The following SEC24B variants were observed in gnomAD, a reference collection of about 807,000 sequenced individuals.
SEC24B encodes protein transport protein Sec24B.
In SEC24B, 45 loss-of-function variants were observed where a neutral mutation model predicts 142.8. That is an observed-to-expected ratio of 0.32 (90% CI 0.25 to 0.40). SEC24B has a LOEUF of 0.40. SEC24B is among the 10% of genes least tolerant of loss of function. SEC24B has a pLI of 1.00. For synonymous variants in SEC24B, 574 were observed against 568.2 expected (o/e 1.01, Z -0.15); for missense variants, 1,409 against 1,526.8 (o/e 0.92, Z 1.29).
intron 6 of SEC24B, among the ~76,000 whole-genome samples, chr4:109,499,508 A>G (rs1241196817): frequency 6.6e-6 from 1 of 152,210 alleles, no homozygotes; most frequent in Admixed American, 6.5e-5. Flanking sequence ...GTATATACAC[A>G]CACATACTTT....
At chr4:109,470,938 GAAT>G (rs1373148833) in intron 2 of SEC24B, among the ~76,000 whole-genome samples, 1 of 152,168 alleles carries the variant, frequency 6.6e-6, no homozygotes, top group South Asian at 2.1e-4. Context: ...AAAAGCAAAA[GAAT>G]AATAAACATG....
intron 1 of SEC24B, among the ~76,000 whole-genome samples, chr4:109,462,670 C>T (rs1731390845): frequency 6.6e-6 from 1 of 152,090 alleles, no homozygotes; most frequent in Non-Finnish European, 1.5e-5. Flanking sequence ...TCATACAGAC[C>T]AGTCCTGGTA....
At chr4:109,471,248 T>C (rs925429905) in intron 2 of SEC24B, among the ~76,000 whole-genome samples, 2 of 152,036 alleles carry the variant, frequency 1.3e-5, no homozygotes, top group African/African-American at 4.8e-5. Flanking sequence ...GCTCAAGCCA[T>C]CCTCCCACCT....
intron 22 of SEC24B, among the ~76,000 whole-genome samples, chr4:109,535,897 G>A (rs889162464): frequency 6.6e-6 from 1 of 151,884 alleles, no homozygotes; most frequent in Admixed American, 6.6e-5. Context: ...TTTTTCAGTA[G>A]GATTTTATTG....
At chr4:109,525,044 G>A (rs1467790823) in intron 15 of SEC24B, 103 bp downstream of exon 15, 3 of 1,052,270 alleles carry the variant, frequency 2.9e-6, no homozygotes, top group Non-Finnish European at 4.1e-6. Flanking sequence ...AGGGAGAAAA[G>A]CATGTGCATT....
At chr4:109,479,554 AT>A (rs1578851788) in intron 3 of SEC24B, among the ~76,000 whole-genome samples, 1 of 152,002 alleles carries the variant, frequency 6.6e-6, no homozygotes, top group East Asian at 1.9e-4. Context: ...TGTAGTCTGT[AT>A]GTGCTATACC....
At chr4:109,513,990 A>C (rs1561161563) in intron 10 of SEC24B, 134 bp downstream of exon 10, 3 of 590,206 alleles carry the variant, frequency 5.1e-6, no homozygotes, top group Non-Finnish European at 9.0e-6. Flanking sequence ...TAATGCTGGA[A>C]GTTTATATTT....
At chr4:109,514,723 A>G (rs193233232) in intron 10 of SEC24B, among the ~76,000 whole-genome samples, 25 of 152,226 alleles carry the variant, frequency 1.6e-4, no homozygotes, top group African/African-American at 5.5e-4. Context: ...AACTCAAAAA[A>G]CTATATCTTC....
intron 7 of SEC24B, among the ~76,000 whole-genome samples, chr4:109,507,560 C>T (rs898819932): frequency 1.3e-5 from 2 of 152,128 alleles, no homozygotes; most frequent in Admixed American, 6.6e-5. Context: ...AGGTGTGATC[C>T]ACCGCGCTTG....
At chr4:109,533,257 G>A (rs1725127796) in intron 21 of SEC24B, among the ~76,000 whole-genome samples, 1 of 152,188 alleles carries the variant, frequency 6.6e-6, no homozygotes, top group Non-Finnish European at 1.5e-5. Flanking sequence ...GATAGCCACA[G>A]AAGAGGGAGA....
At chr4:109,533,308 G>A (rs908282870) in intron 21 of SEC24B, among the ~76,000 whole-genome samples, 2 of 152,170 alleles carry the variant, frequency 1.3e-5, no homozygotes, top group African/African-American at 4.8e-5. Context: ...TGAAATAGTG[G>A]ATGGGAAATA....
rs1218879728 is a variant in SEC24B at position 109,525,515 on chromosome 4, G to A, written c.2791+11G>A. ...TAAGGTGTACTAAAGGTATGAAGTT[G>A]TAAAAGTTATATTTTATATTAAATA... On this transcript the variant is annotated intron_variant, in intron 16 of 23. Transcript: ENST00000265175. 7 of 1,569,568 alleles carry A rather than the reference G, an allele frequency of 4.5e-6. No individual in the cohort carries two copies. Among genetic ancestry groups the A allele is most frequent in the Non-Finnish European group, 5.2e-6 (6 of 1,155,384 alleles).
Position 109,466,296 on chromosome 4 carries a change from A to G in SEC24B, c.877+2652A>G, listed in dbSNP as rs1033117139. On this transcript the variant is annotated intron_variant, in intron 2 of 23. Coordinates refer to ENST00000265175, the MANE Select transcript of SEC24B (RefSeq NM_006323.5). ...AAGTACCTTGTACTAGGTACAGGGT[A>G]AGGGAATACTGAGTTTAATGTTCTA... Among the ~76,000 whole-genome samples the G allele has an allele frequency of 4.6e-5, 7 of 152,226 alleles. No homozygotes were observed. In the South Asian group the frequency reaches 1.0e-3, roughly 22 times the overall value.
intron 11 of SEC24B, among the ~76,000 whole-genome samples, chr4:109,517,104 A>G (rs1040176921): frequency 6.6e-6 from 1 of 152,214 alleles, no homozygotes; most frequent in Non-Finnish European, 1.5e-5. Flanking sequence ...TGATCCAGCA[A>G]TCCCACTACT....
chr4:109,517,703 A>G (rs969254586), intron 11 of SEC24B, among the ~76,000 whole-genome samples: 3 of 152,220 alleles, frequency 2.0e-5, no homozygotes, highest in African/African-American at 4.8e-5. Context: ...CATGTTTTAC[A>G]TGACAGATAC....
At chr4:109,487,323 A>C (rs947064240) in intron 4 of SEC24B, among the ~76,000 whole-genome samples, 2 of 152,214 alleles carry the variant, frequency 1.3e-5, no homozygotes, top group Non-Finnish European at 2.9e-5. Context: ...AAGAAAGGAA[A>C]TTATGGCTAA....
At chr4:109,444,846 C>T (rs2125898215) in intron 1 of SEC24B, among the ~76,000 whole-genome samples, 1 of 152,302 alleles carries the variant, frequency 6.6e-6, no homozygotes, top group East Asian at 1.9e-4. Context: ...TCAGAATCAT[C>T]TGTTTCCCTC....
At chr4:109,508,750 CTG>C (rs1232446476) in intron 7 of SEC24B, among the ~76,000 whole-genome samples, 16 of 152,280 alleles carry the variant, frequency 1.1e-4, no homozygotes, top group Admixed American at 7.8e-4. Context: ...AGCTGTGAAA[CTG>C]TGCAATTTAT....
chr4:109,472,369 G>A (rs1370994013), intron 2 of SEC24B, among the ~76,000 whole-genome samples: 1 of 152,114 alleles, frequency 6.6e-6, no homozygotes, highest in East Asian at 1.9e-4. Flanking sequence ...GAGACATTTG[G>A]TATTTTGAGC....
Sources: gnomAD v4.1 joint callset for allele counts (sites outside exome capture counted in the v4.1 genomes callset) on GRCh38, gnomAD v4.1.1 for gene constraint, MANE v1.5 for transcripts, NCBI Gene and HGNC (gene_info 2026-07-23, HGNC 2026-07-21) for gene names.